Variants in ADAMTSL4 observed in about 807,000 individuals in gnomAD.
ADAMTSL4 encodes ADAMTS-like protein 4.
A neutral mutation model predicts 122.8 loss-of-function variants in ADAMTSL4; 97 were observed. That is an observed-to-expected ratio of 0.79 (90% CI 0.67 to 0.93). The LOEUF (loss-of-function observed/expected upper bound fraction) is 0.93. Among genes scored for constraint, ADAMTSL4 ranks in the 40% least tolerant of loss-of-function variants. The pLI is 0.00. For synonymous variants in ADAMTSL4, 592 were observed against 568.0 expected (o/e 1.04, Z -0.60); for missense variants, 1,408 against 1,453.5 (o/e 0.97, Z 0.51).
chr1:150,559,588 C>A lies in ADAMTSL4; in HGVS notation c.2943+122C>A. The A allele has an allele frequency of 6.4e-7, 1 of 1,554,670 alleles. No homozygotes were observed. The highest frequency in any genetic ancestry group is 8.8e-7 in the Non-Finnish European group (1 of 1,141,090). ...CAGAATAAGCCCAGCCAAGCGTTAC[C>A]ACTGTCCTACTTCTTATAGACTTGG... is the stretch of plus-strand genomic sequence containing the variant. On this transcript the variant is annotated intron_variant, in intron 17 of 18. Coordinates refer to ENST00000271643, the MANE Select transcript of ADAMTSL4 (RefSeq NM_019032.6). This position sits in a 1 kb window ranked among gnomAD's most constrained non-coding sequence, Gnocchi z 4.1.
Position 150,554,699 on chromosome 1 carries a change from TC to T in ADAMTSL4, c.1234+236del, listed in dbSNP as rs1337068227. 6.9e-7 allele frequency: 1 copy of T among 1,450,954 alleles called. No individual in the cohort carries two copies. Among genetic ancestry groups the T allele is most frequent in the East Asian group, 2.5e-5 (1 of 39,876 alleles). 89.9% of individuals were successfully genotyped at this position (1,450,954 alleles called of 1,614,324 possible). On this transcript the variant is annotated intron_variant, in intron 7 of 18. Coordinates refer to ENST00000271643, the MANE Select transcript of ADAMTSL4 (RefSeq NM_019032.6). This position sits in a 1 kb window ranked among gnomAD's most constrained non-coding sequence, Gnocchi z 4.0. ...TGTGGGAGACACGCTTTGTCCGGAC[TC>T]CCCTGGGAAGGCCATCACTGGGGGT...
chr1:150,550,698 G>C (rs1056885582), intron 2 of ADAMTSL4: 1 of 455,430 alleles, frequency 2.2e-6, no homozygotes, highest in Admixed American at 2.4e-5. Context: ...CCCCCGTTCA[G>C]TCAGGGTGGA....
chr1:150,552,704 C>G lies in ADAMTSL4; in HGVS notation c.78+104C>G. 1 of 1,448,926 alleles carries G rather than the reference C, an allele frequency of 6.9e-7. No homozygotes were observed. Among genetic ancestry groups the G allele is most frequent in the Admixed American group, 1.9e-5 (1 of 51,296 alleles). The allele number at this position is 1,448,926 out of a possible 1,614,324, so 89.8% of individuals were successfully genotyped here. On this transcript the variant is annotated intron_variant, in intron 4 of 18. Coordinates refer to ENST00000271643, the MANE Select transcript of ADAMTSL4 (RefSeq NM_019032.6). The surrounding 1 kb of genome is among the most constrained non-coding windows in gnomAD (Gnocchi z 4.0). The stretch of plus-strand genomic sequence containing the variant: ...AGGCCACGCCTCCATTCCCCACAGC[C>G]CACCCACCTCCCCTGCCAACTCCCC...
Position 150,558,109 on chromosome 1 carries a change from G to A in ADAMTSL4, c.2342G>A (p.Arg781His), listed in dbSNP as rs774178865. 81 of 1,613,226 alleles carry A rather than the reference G, an allele frequency of 5.0e-5. No homozygotes were observed. Among genetic ancestry groups the A allele is most frequent in the South Asian group, 4.5e-4 (41 of 91,092 alleles). ...AACATCACCCAGTCTTGCCAGCTGC[G>A]CCTCTGTGGCCATTGGGAAGTTGGC... Reference protein sequence around the residue: ...RPNITQSCQLRLCGHWEVGSP... With the variant: ...RPNITQSCQLHLCGHWEVGSP... Residue 781 changes from arginine (R) to histidine (H), a missense_variant, in exon 14 of 19, where the codon CGC (arginine) becomes CAC (histidine). Transcript: ENST00000271643.
Position 150,553,979 on chromosome 1 carries a change from C to A in ADAMTSL4, c.988C>A (p.Pro330Thr). 1 of 1,611,470 alleles carries A rather than the reference C, an allele frequency of 6.2e-7. No individual in the cohort carries two copies. Among genetic ancestry groups the A allele is most frequent in the Non-Finnish European group, 8.5e-7 (1 of 1,179,336 alleles). The change falls in exon 6 of 19, where the codon CCT becomes ACT. Residue 330 changes from proline (P) to threonine (T), a missense_variant. Coordinates refer to ENST00000271643, the MANE Select transcript of ADAMTSL4 (RefSeq NM_019032.6). ...GACTCCTCACGGGCCCCGCCTGGAGCCTGACCCTCAGCACCCGGGCGCCTG... is the reference window on the plus strand; with the variant it reads ...GACTCCTCACGGGCCCCGCCTGGAGACTGACCCTCAGCACCCGGGCGCCTG... ...GGTPHGPRLE[P>T]DPQHPGAWLP...
rs1416411189 is a variant in ADAMTSL4, at chr1:150,554,700, C to T, written c.1234+233C>T. ...GTGGGAGACACGCTTTGTCCGGACT[C>T]CCCTGGGAAGGCCATCACTGGGGGT... On this transcript the variant is annotated intron_variant, in intron 7 of 18. Transcript: ENST00000271643. This position sits in a 1 kb window ranked among gnomAD's most constrained non-coding sequence, Gnocchi z 4.0. The T allele has an allele frequency of 6.0e-5, 90 of 1,508,470 alleles. No individual in the cohort carries two copies. The highest frequency in any genetic ancestry group is 7.6e-5 in the Non-Finnish European group (86 of 1,125,744). 93.4% of individuals were successfully genotyped at this position (1,508,470 alleles called of 1,614,324 possible). A position where few individuals can be genotyped will look rare whatever the true frequency, so the allele number is the denominator to read the frequency against.
In ADAMTSL4 at chr1:150,559,008, G is replaced by T. The variant is rs1283724820; in HGVS notation, c.2606G>T (p.Cys869Phe). The change falls in exon 16 of 19, where the codon TGC (cysteine) becomes TTC (phenylalanine). Residue 869 changes from cysteine to phenylalanine, a missense_variant. Coordinates refer to ENST00000271643, the MANE Select transcript of ADAMTSL4 (RefSeq NM_019032.6). This position sits in a 1 kb window ranked among gnomAD's most constrained non-coding sequence, Gnocchi z 4.1. The stretch of plus-strand genomic sequence containing the variant: ...GGAATCCAGCGGCGCTCTGTGGTCT[G>T]CCTTGGGAGTGGGGCAGCCCTCGGG... ...GTGIQRRSVV[C>F]LGSGAALGPG... 1 of 1,611,734 alleles carries T rather than the reference G, an allele frequency of 6.2e-7. No homozygotes were observed. The highest frequency in any genetic ancestry group is 8.5e-7 in the Non-Finnish European group (1 of 1,179,784).
Position 150,559,317 on chromosome 1 carries a change from C to T in ADAMTSL4, c.2794C>T (p.Arg932Cys), listed in dbSNP as rs754566419. The stretch of plus-strand genomic sequence containing the variant: ...CTCCGAATGTGGCTCTGGCACACAG[C>T]GTAGAGACATCATCTGTGTATCCAA... The part of the protein sequence containing the change: ...CSSECGSGTQ[R>C]RDIICVSKLG... Residue 932 changes from arginine (R) to cysteine (C), a missense_variant, in exon 17 of 19, where the codon CGT (arginine) becomes TGT (cysteine). Coordinates refer to ENST00000271643, the MANE Select transcript of ADAMTSL4 (RefSeq NM_019032.6). The surrounding 1 kb of genome is among the most constrained non-coding windows in gnomAD (Gnocchi z 4.1). 8.7e-6 allele frequency: 14 copies of T among 1,613,944 alleles called. No homozygotes were observed. The highest frequency in any genetic ancestry group is 2.7e-5 in the African/African-American group (2 of 74,890).
At position 150,556,221 on chromosome 1, in the gene ADAMTSL4, TG is replaced by T. The variant is rs1672096009; in HGVS notation, c.1436del (p.Gly479ValfsTer106). On this transcript the variant is annotated frameshift_variant, in exon 9 of 19. Coordinates refer to ENST00000271643, the MANE Select transcript of ADAMTSL4 (RefSeq NM_019032.6). LOFTEE classifies it high-confidence loss of function. This position sits in a 1 kb window ranked among gnomAD's most constrained non-coding sequence, Gnocchi z 4.1. Reference protein sequence around the residue: ...GRRPDGCGVCGGDDSTCRLVS... With the variant: ...GRRPDGCGVCXGDDSTCRLVS... ...GGCGTCCTGATGGCTGTGGAGTCTGTGGGGGTGATGATTCTACCTGTCGCCT... is the reference window on the plus strand; with the variant it reads ...GGCGTCCTGATGGCTGTGGAGTCTGTGGGGTGATGATTCTACCTGTCGCCT... The T allele has an allele frequency of 1.2e-6, 2 of 1,613,998 alleles. No homozygotes were observed. Among genetic ancestry groups the T allele is most frequent in the African/African-American group, 2.7e-5 (2 of 74,916 alleles).
At position 150,558,048 on chromosome 1, in the gene ADAMTSL4, G is replaced by A. The variant is rs1374155405; in HGVS notation, c.2281G>A (p.Val761Met). 6.2e-7 allele frequency: 1 copy of A among 1,612,814 alleles called. No individual in the cohort carries two copies. Among genetic ancestry groups the A allele is most frequent in the African/African-American group, 1.3e-5 (1 of 74,900 alleles). ...GGAATTTGGGGGGGGTGGCTCCTCG[G>A]TGCCCCCGGAGCGCTGTGGACATCT... ...RQEFGGGGSS[V>M]PPERCGHLPR... Residue 761 changes from valine (V) to methionine (M), a missense_variant, in exon 14 of 19, where the codon GTG (valine) becomes ATG (methionine). Transcript: ENST00000271643.
Position 150,549,941 on chromosome 1 carries a change from CA to C in ADAMTSL4, c.-85+52del, listed in dbSNP as rs1560280826. On this transcript the variant is annotated intron_variant, in intron 2 of 18. Coordinates refer to ENST00000271643, the MANE Select transcript of ADAMTSL4 (RefSeq NM_019032.6). This position sits in a 1 kb window ranked among gnomAD's most constrained non-coding sequence, Gnocchi z 5.0. Reference sequence around the variant, plus strand: ...TCAGCCCGATGGCAGAAGAGGTTGACAAAAAAGAAAGACACCTGTTGGGGTG... The same window carrying C: ...TCAGCCCGATGGCAGAAGAGGTTGACAAAAAGAAAGACACCTGTTGGGGTG... The C allele has an allele frequency of 4.0e-6, 1 of 247,022 alleles. No homozygotes were observed. Among genetic ancestry groups the C allele is most frequent in the South Asian group, 4.2e-5 (1 of 23,544 alleles). 15.3% of individuals were successfully genotyped at this position (247,022 alleles called of 1,614,324 possible).
chr1:150,557,219 G>C lies in ADAMTSL4; in HGVS notation c.1931G>C (p.Arg644Pro). The C allele has an allele frequency of 6.2e-7, 1 of 1,611,884 alleles. No homozygotes were observed. Among genetic ancestry groups the C allele is most frequent in the Non-Finnish European group, 8.5e-7 (1 of 1,179,636 alleles). The change falls in exon 12 of 19, where the codon CGT becomes CCT. Residue 644 changes from arginine (R) to proline (P), a missense_variant. Coordinates refer to ENST00000271643, the MANE Select transcript of ADAMTSL4 (RefSeq NM_019032.6). ...GCCCGGACCCCAGGCACCCTCCAGC[G>C]TCAGGTGCGGATCCCCCAGATGCCC... ...RPARTPGTLQ[R>P]QVRIPQMPAP...
chr1:150,554,814 C>G lies in ADAMTSL4; in HGVS notation c.1234+347C>G. 3 of 691,636 alleles carry G rather than the reference C, an allele frequency of 4.3e-6. No individual in the cohort carries two copies. Among genetic ancestry groups the G allele is most frequent in the Non-Finnish European group, 7.2e-6 (3 of 419,094 alleles). The allele number at this position is 691,636 out of a possible 1,614,324, so 42.8% of individuals were successfully genotyped here. ...GGGGGTGTGCCACGCATCCTGGGCA[C>G]TGTCGTATCGGTTGCTCCCAGGTTA... On this transcript the variant is annotated intron_variant, in intron 7 of 18. Coordinates refer to ENST00000271643, the MANE Select transcript of ADAMTSL4 (RefSeq NM_019032.6). This position sits in a 1 kb window ranked among gnomAD's most constrained non-coding sequence, Gnocchi z 4.0.
intron 2 of ADAMTSL4, chr1:150,550,758 C>A: frequency 2.2e-6 from 1 of 456,386 alleles, no homozygotes. Context: ...TGGCCATCGG[C>A]AACCCCCACC....
Position 150,558,618 on chromosome 1 carries a change from C to G in ADAMTSL4, c.2528C>G (p.Thr843Ser). Reference sequence around the variant, plus strand: ...GCCTGTGACATGGGGCCCTGTACTACTGCCTGGTTCCACAGCGACTGGAGC... The same window carrying G: ...GCCTGTGACATGGGGCCCTGTACTAGTGCCTGGTTCCACAGCGACTGGAGC... Reference protein sequence around the residue: ...REACDMGPCTTAWFHSDWSSK... With the variant: ...REACDMGPCTSAWFHSDWSSK... The change falls in exon 15 of 19, where the codon ACT becomes AGT. Residue 843 changes from threonine to serine, a missense_variant. Thr to Ser is a moderately conservative substitution (Grantham distance 58). Transcript: ENST00000271643. The G allele has an allele frequency of 6.2e-7, 1 of 1,613,954 alleles. No individual in the cohort carries two copies.
In ADAMTSL4 at chr1:150,552,854, C is replaced by T. The variant is rs776567842; in HGVS notation, c.79-44C>T. The T allele has an allele frequency of 3.2e-6, 5 of 1,583,682 alleles. No individual in the cohort carries two copies. The highest frequency in any genetic ancestry group is 2.2e-5 in the East Asian group (1 of 44,756). On this transcript the variant is annotated intron_variant, in intron 4 of 18. Coordinates refer to ENST00000271643, the MANE Select transcript of ADAMTSL4 (RefSeq NM_019032.6). This position sits in a 1 kb window ranked among gnomAD's most constrained non-coding sequence, Gnocchi z 4.0. ...GTCTACATGGACACTCTGGACAGTT[C>T]CCTCTAATCCTTCCAATTCTGTCTG...
In ADAMTSL4 at chr1:150,558,635, G is replaced by A. The variant is rs559596593; in HGVS notation, c.2545G>A (p.Asp849Asn). The A allele has an allele frequency of 9.5e-5, 153 of 1,613,750 alleles. 1 individual carries two copies. In the Admixed American group the frequency reaches 1.1e-3, roughly 12 times the overall value. ...CTGTACTACTGCCTGGTTCCACAGC[G>A]ACTGGAGCTCCAAGGTGAGCCCGGA... ...GPCTTAWFHSDWSSKCSAECG... is the reference protein window; with the variant it reads ...GPCTTAWFHSNWSSKCSAECG... Residue 849 changes from aspartate (D) to asparagine (N), a missense_variant, in exon 15 of 19, where the codon GAC becomes AAC. Transcript: ENST00000271643.
At position 150,554,101 on chromosome 1, in the gene ADAMTSL4, G is replaced by A; in HGVS notation, c.1110G>A (p.Gln370=). 1 of 1,600,300 alleles carries A rather than the reference G, an allele frequency of 6.2e-7. No individual in the cohort carries two copies. Residue 370 remains glutamine (Q), a synonymous_variant, in exon 6 of 19, where the codon CAG becomes CAA. Transcript: ENST00000271643. The surrounding 1 kb of genome is among the most constrained non-coding windows in gnomAD (Gnocchi z 4.0). ...CAAGATGTTCTGGGGAGAGTGAACA[G>A]CTAAGAGCCTGCAGCCAAGCGGTGA... ...PIPRCSGESE[Q]LRACSQAPCP...
At position 150,558,538 on chromosome 1, in the gene ADAMTSL4, T is replaced by C. The variant is rs150054375; in HGVS notation, c.2448T>C (p.Asp816=). 2.4e-5 allele frequency: 39 copies of C among 1,613,692 alleles called. No individual in the cohort carries two copies. Among genetic ancestry groups the C allele is most frequent in the Middle Eastern group, 1.6e-4 (1 of 6,084 alleles). Residue 816 remains aspartate, a synonymous_variant, in exon 15 of 19, where the codon GAT becomes GAC. Coordinates refer to ENST00000271643, the MANE Select transcript of ADAMTSL4 (RefSeq NM_019032.6). ...RQVRCVGNNG[D]EVSEQECASG... Reference sequence around the variant, plus strand: ...TTCGCTGTGTTGGGAACAATGGTGATGAAGTGAGCGAGCAGGAGTGTGCGT... The same window carrying C: ...TTCGCTGTGTTGGGAACAATGGTGACGAAGTGAGCGAGCAGGAGTGTGCGT...
Sources: allele counts gnomAD v4.1 joint callset, GRCh38; gene constraint gnomAD v4.1.1; non-coding constraint Gnocchi (gnomAD v3.1); transcripts MANE v1.5; gene names NCBI Gene and HGNC (gene_info 2026-07-23, HGNC 2026-07-21).